Variants in SLC14A2 observed in about 807,000 individuals in gnomAD.
SLC14A2 encodes the protein solute carrier family 14 member 2.
In SLC14A2, 91 loss-of-function variants were observed where a neutral mutation model predicts 104.6. The ratio of observed to expected loss-of-function variants is 0.87; its 90% CI spans 0.73 to 1.04. The LOEUF (loss-of-function observed/expected upper bound fraction) is 1.04. SLC14A2 is among the 50% of genes least tolerant of loss of function. SLC14A2 has a pLI of 0.00. For synonymous variants in SLC14A2, 476 were observed against 466.4 expected (o/e 1.02, Z -0.27); for missense variants, 1,189 against 1,156.0 (o/e 1.03, Z -0.41).
chr18:45,204,896 C>T, the SLC14A2 span, among the ~76,000 whole-genome samples: 1 of 151,748 alleles, frequency 6.6e-6, no homozygotes, highest in African/African-American at 2.4e-5. Context: ...TCCACCTATG[C>T]TAATGTTGCA....
chr18:45,366,057 G>A (rs888267162), intron 1 of SLC14A2, among the ~76,000 whole-genome samples: 1 of 151,210 alleles, frequency 6.6e-6, no homozygotes, highest in African/African-American at 2.4e-5. Flanking sequence ...CCTCCAGCAT[G>A]AGTAGAGTGA....
At chr18:45,423,723 A>T (rs890399208) in intron 1 of SLC14A2, 2 of 152,254 alleles carry the variant, frequency 1.3e-5, no homozygotes, top group African/African-American at 4.8e-5. Context: ...GACATCCAGC[A>T]TATCTAGTCA....
intron 2 of SLC14A2, among the ~76,000 whole-genome samples, chr18:45,537,029 CCCTCCCT>C: frequency 1.6e-5 from 1 of 61,870 alleles, no homozygotes; most frequent in Non-Finnish European, 3.1e-5. Flanking sequence ...TCCCCTCCCT[CCCTCCCT>C]CCCTCCCTCC....
chr18:45,506,304 T>G (rs1309909401), intron 2 of SLC14A2, among the ~76,000 whole-genome samples: 2 of 152,130 alleles, frequency 1.3e-5, no homozygotes, highest in Admixed American at 6.6e-5. Flanking sequence ...CCACAGAGCC[T>G]TCTTCTAGTT....
intron 1 of SLC14A2, among the ~76,000 whole-genome samples, chr18:45,287,422 C>A (rs2084825391): frequency 6.6e-6 from 1 of 152,178 alleles, no homozygotes. Flanking sequence ...TGGTCAAGGC[C>A]CTGCAGGGCA....
intron 1 of SLC14A2, among the ~76,000 whole-genome samples, chr18:45,355,642 G>A (rs1312943050): frequency 6.7e-6 from 1 of 150,134 alleles, no homozygotes; most frequent in Non-Finnish European, 1.5e-5. Context: ...GGGAGGAAAG[G>A]TATTTTTGGA....
the SLC14A2 span, among the ~76,000 whole-genome samples, chr18:45,184,786 C>T: frequency 6.6e-6 from 1 of 152,194 alleles, no homozygotes; most frequent in Non-Finnish European, 1.5e-5. Context: ...TTCACAACAT[C>T]TGAATCCAGA....
chr18:45,612,087 A>T (rs1277278135), upstream of SLC14A2, among the ~76,000 whole-genome samples: 1 of 152,220 alleles, frequency 6.6e-6, no homozygotes, highest in East Asian at 1.9e-4. Flanking sequence ...TAGAGATGAG[A>T]CATATACATA....
chr18:45,608,753 T>C (rs1189725440), intron 2 of SLC14A2, among the ~76,000 whole-genome samples: 1 of 152,204 alleles, frequency 6.6e-6, no homozygotes, highest in Non-Finnish European at 1.5e-5. Flanking sequence ...CATCCCTTAA[T>C]GCTCAACTAA....
chr18:45,564,923 G>C (rs2044246066), intron 2 of SLC14A2, among the ~76,000 whole-genome samples: 1 of 152,156 alleles, frequency 6.6e-6, no homozygotes, highest in Admixed American at 6.5e-5. Context: ...GTGAGACTTT[G>C]TATGGGGAGG....
intron 2 of SLC14A2, among the ~76,000 whole-genome samples, chr18:45,549,623 A>T (rs531626323): frequency 6.6e-6 from 1 of 152,324 alleles, no homozygotes; most frequent in South Asian, 2.1e-4. Context: ...TGGAGGCAAA[A>T]ATGCTAGTCG....
intron 1 of SLC14A2, among the ~76,000 whole-genome samples, chr18:45,292,715 G>A (rs2084881881): frequency 6.6e-6 from 1 of 152,168 alleles, no homozygotes; most frequent in Admixed American, 6.5e-5. Context: ...GGTGGGACCG[G>A]CTACATTGGC....
chr18:45,382,293 G>A (rs897741516), intron 1 of SLC14A2, among the ~76,000 whole-genome samples: 4 of 106,928 alleles, frequency 3.7e-5, no homozygotes, highest in African/African-American at 1.0e-4. Context: ...AATACATATA[G>A]GGAGGAACTT....
chr18:45,487,092 G>A (rs2087621453), intron 2 of SLC14A2, among the ~76,000 whole-genome samples: 1 of 152,196 alleles, frequency 6.6e-6, no homozygotes, highest in Non-Finnish European at 1.5e-5. Flanking sequence ...GTAGGTCAGA[G>A]GTCTGACAAG....
rs575709681 is a variant in SLC14A2 at position 45,642,438 on chromosome 18, G to T, written c.1127-694G>T. Reference sequence around the variant, plus strand: ...GAATCATCTGGGAAGCCTACAGGGGGAGGCTAGGGTTTATCTCAACACTTC... The same window carrying T: ...GAATCATCTGGGAAGCCTACAGGGGTAGGCTAGGGTTTATCTCAACACTTC... On this transcript the variant is annotated intron_variant, in intron 8 of 19. Coordinates refer to ENST00000255226, the MANE Select transcript of SLC14A2 (RefSeq NM_007163.4). Among the ~76,000 whole-genome samples, 3 of 152,342 alleles carry T rather than the reference G, an allele frequency of 2.0e-5. No individual in the cohort carries two copies. In the East Asian group the frequency reaches 5.8e-4, roughly 29 times the overall value.
At chr18:45,477,247 C>T (rs951807940) in intron 1 of SLC14A2, among the ~76,000 whole-genome samples, 8 of 152,230 alleles carry the variant, frequency 5.3e-5, no homozygotes, top group African/African-American at 1.7e-4. Flanking sequence ...CCCTCTGCAG[C>T]AGGTCTGCTG....
intron 2 of SLC14A2, among the ~76,000 whole-genome samples, chr18:45,499,256 A>T (rs2043152353): frequency 6.6e-6 from 1 of 152,250 alleles, no homozygotes; most frequent in Admixed American, 6.5e-5. Flanking sequence ...ATATGTATAT[A>T]CATGTGTAAA....
chr18:45,279,344 C>T (rs1599638375), intron 1 of SLC14A2, among the ~76,000 whole-genome samples: 1 of 152,156 alleles, frequency 6.6e-6, no homozygotes, highest in East Asian at 1.9e-4. Flanking sequence ...GTGAAGTTTC[C>T]TCGTACTGCT....
intron 1 of SLC14A2, among the ~76,000 whole-genome samples, chr18:45,247,445 G>T (rs2084377852): frequency 6.6e-6 from 1 of 152,202 alleles, no homozygotes; most frequent in African/African-American, 2.4e-5. Flanking sequence ...ACATCCTTGG[G>T]TTCTGGCCTC....
Sources: allele counts gnomAD v4.1 joint callset (sites outside exome capture counted in the v4.1 genomes callset), GRCh38; gene constraint gnomAD v4.1.1; transcripts MANE v1.5; gene names NCBI Gene and HGNC (gene_info 2026-07-23, HGNC 2026-07-21).